The following ADAP2 variants were observed in gnomAD, a reference collection of about 807,000 sequenced individuals.
ADAP2 encodes the protein ArfGAP with dual PH domains 2.
Under a neutral mutation model 54.9 loss-of-function variants are expected in ADAP2, and 42 were observed. That is an observed-to-expected ratio of 0.77 (90% CI 0.60 to 0.99). The LOEUF (loss-of-function observed/expected upper bound fraction) is 0.99. Ranked by LOEUF, ADAP2 falls within the 50% of genes least tolerant of loss-of-function variation. The probability of loss-of-function intolerance (pLI) is 0.00; values close to 1 mark genes in which losing one functional copy is unlikely to be tolerated. For synonymous variants in ADAP2, 177 were observed against 180.1 expected (o/e 0.98, Z 0.14); for missense variants, 429 against 480.4 (o/e 0.89, Z 1.00).
At chr17:30,944,584 C>T (rs576136918) in intron 5 of ADAP2, among the ~76,000 whole-genome samples, 9 of 152,276 alleles carry the variant, frequency 5.9e-5, no homozygotes, top group East Asian at 3.9e-4. Flanking sequence ...CTCAGTCTTC[C>T]GAGTTGTTGG....
intron 7 of ADAP2, among the ~76,000 whole-genome samples, chr17:30,952,246 G>T (rs1165491190): frequency 6.6e-6 from 1 of 152,218 alleles, no homozygotes; most frequent in African/African-American, 2.4e-5. Flanking sequence ...GAGACATAAG[G>T]CCTCGAGAGA....
intron 5 of ADAP2, among the ~76,000 whole-genome samples, chr17:30,935,970 TGG>T (rs1350744006): frequency 6.6e-6 from 1 of 152,148 alleles, no homozygotes; most frequent in African/African-American, 2.4e-5. Flanking sequence ...TGCAGTCAAT[TGG>T]CTTTTAGTGT....
At chr17:30,936,272 G>A (rs1018018321) in intron 5 of ADAP2, among the ~76,000 whole-genome samples, 3 of 151,910 alleles carry the variant, frequency 2.0e-5, no homozygotes, top group Admixed American at 6.6e-5. Context: ...CTCCTGCTCC[G>A]GTCTCTCAAA....
intron 7 of ADAP2, among the ~76,000 whole-genome samples, chr17:30,951,947 G>A (rs898866696): frequency 5.3e-5 from 8 of 152,076 alleles, no homozygotes; most frequent in Admixed American, 2.0e-4. Context: ...GAGCCACTGC[G>A]CCTGGCCTAA....
Position 30,944,961 on chromosome 17 carries a change from A to G in ADAP2, c.565A>G (p.Thr189Ala). Residue 189 changes from threonine to alanine, a missense_variant, in exon 6 of 11, where the codon ACA becomes GCA. Transcript: ENST00000330889. ...TAAGGACTTGAATGCCACCTTCCAG[A>G]CAGAGAAGATAGGGCACCCCCATGG... The part of the protein sequence containing the change: ...SIKDLNATFQ[T>A]EKIGHPHGLQ... 1 of 1,614,150 alleles carries G rather than the reference A, an allele frequency of 6.2e-7. No homozygotes were observed. Among genetic ancestry groups the G allele is most frequent in the Non-Finnish European group, 8.5e-7 (1 of 1,180,022 alleles).
At chr17:30,923,486 A>G (rs1910797131) in intron 2 of ADAP2, among the ~76,000 whole-genome samples, 2 of 151,398 alleles carry the variant, frequency 1.3e-5, no homozygotes, top group African/African-American at 2.4e-5. Context: ...GCTGGTCTCG[A>G]ACTCCTGACC....
Position 30,921,981 on chromosome 17 carries a change from T to C in ADAP2, c.-34T>C. ...CCTGCCGGGCGGAGCGCACGGGCCA[T>C]GGGCTGAGCCCCGCTGAGCCCGCCG... On this transcript the variant is annotated 5_prime_UTR_variant, in exon 1 of 11. An upstream start codon of the reference 5' UTR is lost. Transcript: ENST00000330889. The C allele has an allele frequency of 1.0e-5, 13 of 1,247,020 alleles. No individual in the cohort carries two copies. The highest frequency in any genetic ancestry group is 1.3e-5 in the Non-Finnish European group (13 of 995,940). 77.2% of individuals were successfully genotyped at this position (1,247,020 alleles called of 1,614,324 possible).
At chr17:30,947,280 T>C (rs1322436995) in intron 6 of ADAP2, among the ~76,000 whole-genome samples, 1 of 152,206 alleles carries the variant, frequency 6.6e-6, no homozygotes. Flanking sequence ...CACCAGATTA[T>C]GACTGGAGAG....
At chr17:30,926,108 T>C (rs190274146) in intron 2 of ADAP2, among the ~76,000 whole-genome samples, 108 of 152,312 alleles carry the variant, frequency 7.1e-4, no homozygotes, top group African/African-American at 2.5e-3. Context: ...AATCCTGCTC[T>C]GTTGGGATCC....
chr17:30,958,620 G>A lies in ADAP2; in HGVS notation c.*751G>A, dbSNP rs1045345581. 6.6e-6 allele frequency: 1 copy of A among 152,256 alleles called. No individual in the cohort carries two copies. The highest frequency in any genetic ancestry group is 1.9e-4 in the East Asian group (1 of 5,200). 9.4% of individuals were successfully genotyped at this position (152,256 alleles called of 1,614,324 possible). ...ACTCTCTGATTCTCCGTGGCTGGGT[G>A]TGATGGCTCATGCCCATAATCCCAG... On this transcript the variant is annotated 3_prime_UTR_variant, in exon 11 of 11. Coordinates refer to ENST00000330889, the MANE Select transcript of ADAP2 (RefSeq NM_018404.3).
At chr17:30,942,948 C>G (rs947666645) in intron 5 of ADAP2, among the ~76,000 whole-genome samples, 1 of 152,176 alleles carries the variant, frequency 6.6e-6, no homozygotes, top group Non-Finnish European at 1.5e-5. Flanking sequence ...ACACTTGTGG[C>G]AGGAATGTAA....
intron 3 of ADAP2, among the ~76,000 whole-genome samples, chr17:30,927,384 C>T (rs1598025271): frequency 2.0e-5 from 3 of 151,778 alleles, no homozygotes; most frequent in African/African-American, 7.3e-5. Context: ...GAAGCCGAAG[C>T]GGGCAGATCA....
At chr17:30,952,172 C>T (rs754025739) in intron 7 of ADAP2, among the ~76,000 whole-genome samples, 2 of 152,082 alleles carry the variant, frequency 1.3e-5, no homozygotes, top group Non-Finnish European at 2.9e-5. Flanking sequence ...CATCTCTGGG[C>T]GTAGGCTGCC....
At chr17:30,946,428 AG>A (rs1598048982) in intron 6 of ADAP2, among the ~76,000 whole-genome samples, 1 of 152,078 alleles carries the variant, frequency 6.6e-6, no homozygotes, top group African/African-American at 2.4e-5. Context: ...TATGTTGGCC[AG>A]GCTGGTCTTG....
intron 7 of ADAP2, among the ~76,000 whole-genome samples, chr17:30,950,211 A>G (rs886338661): frequency 2.6e-5 from 4 of 152,134 alleles, no homozygotes; most frequent in Admixed American, 6.5e-5. Flanking sequence ...TCTCCATTAC[A>G]GTTGTAACAG....
intron 1 of ADAP2, among the ~76,000 whole-genome samples, chr17:30,922,315 G>C (rs1910680658): frequency 6.9e-6 from 1 of 144,480 alleles, no homozygotes; most frequent in Non-Finnish European, 1.5e-5. Flanking sequence ...CGGCCCCTAC[G>C]AGCCCAGGCT....
rs1905083995 is a variant in ADAP2, at chr17:30,956,477, G to A, written c.1111+8G>A. ...CGCCCCTCAACCGGCTTAGTAAGAA[G>A]CAGGAACTGAGGGGTGTTCTTTTGG... On this transcript the variant is annotated splice_region_variant and intron_variant, in intron 10 of 10. Transcript: ENST00000330889. 6.2e-7 allele frequency: 1 copy of A among 1,613,734 alleles called. No homozygotes were observed. The highest frequency in any genetic ancestry group is 8.5e-7 in the Non-Finnish European group (1 of 1,179,694).
intron 7 of ADAP2, 121 bp downstream of exon 7, chr17:30,949,491 G>A: frequency 1.2e-6 from 1 of 829,252 alleles, no homozygotes; most frequent in South Asian, 1.5e-5. Context: ...GCTCACGCCT[G>A]TAATCCCAGC....
intron 8 of ADAP2, among the ~76,000 whole-genome samples, chr17:30,953,857 A>G (rs1904865818): frequency 6.7e-6 from 1 of 149,744 alleles, no homozygotes. Flanking sequence ...ACTTTCTTAA[A>G]ACATTATGAG....
Sources: gnomAD v4.1 joint callset for allele counts (sites outside exome capture counted in the v4.1 genomes callset) on GRCh38, gnomAD v4.1.1 for gene constraint, MANE v1.5 for transcripts, NCBI Gene and HGNC (gene_info 2026-07-23, HGNC 2026-07-21) for gene names.